Variants in GALNT17 observed in about 807,000 individuals in gnomAD.
GALNT17 encodes polypeptide N-acetylgalactosaminyltransferase 17, also known as UDP-GalNAc:polypeptide N-acetylgalactosaminyltransferase-like 3.
In GALNT17, 29 loss-of-function variants were observed where a neutral mutation model predicts 63.7. The observed-to-expected ratio is 0.46, with a 90% CI of 0.34 to 0.62. The LOEUF is 0.62. Among genes scored for constraint, GALNT17 ranks in the 20% least tolerant of loss-of-function variants. The pLI is 0.01. For synonymous variants in GALNT17, 305 were observed against 318.3 expected (o/e 0.96, Z 0.45); for missense variants, 603 against 799.6 (o/e 0.75, Z 2.97).
intron 1 of GALNT17, among the ~76,000 whole-genome samples, chr7:71,153,441 G>C (rs981119224): frequency 6.6e-6 from 1 of 152,180 alleles, no homozygotes; most frequent in South Asian, 2.1e-4. Flanking sequence ...ATCTAGACAA[G>C]ATAGGAAGGG....
Position 71,307,179 on chromosome 7 carries a change from G to A in GALNT17, c.239-28371G>A, listed in dbSNP as rs534990864. On this transcript the variant is annotated intron_variant, in intron 1 of 10. Coordinates refer to ENST00000333538, the MANE Select transcript of GALNT17 (RefSeq NM_022479.3). ...AGAAGTAAAATTCCTGGATCCTGTG[G>A]TAATTCTATGTTTAACTTTTTGCAG... Among the ~76,000 whole-genome samples, 146 of 152,192 alleles carry A rather than the reference G, an allele frequency of 9.6e-4. 1 individual carries two copies. Among genetic ancestry groups the A allele is most frequent in the African/African-American group, 3.4e-3 (142 of 41,526 alleles).
intron 1 of GALNT17, among the ~76,000 whole-genome samples, chr7:71,226,820 T>C (rs896149423): frequency 6.6e-6 from 1 of 152,044 alleles, no homozygotes; most frequent in East Asian, 1.9e-4. Flanking sequence ...CAGAGCCTTA[T>C]ACATGAATGG....
chr7:71,533,208 G>A lies in GALNT17; in HGVS notation c.963-38077G>A, dbSNP rs116494811. 4.2e-3 allele frequency among the ~76,000 whole-genome samples: 640 copies of A among 152,106 alleles called. 10 individuals are homozygous for A. Among genetic ancestry groups the A allele is most frequent in the African/African-American group, 0.015 (605 of 41,484 alleles). ...CTTGTGCATTTGTTAAACTATAAGG[G>A]AACAAAAATATGTTCATTTTCCCTG... On this transcript the variant is annotated intron_variant, in intron 5 of 10. Transcript: ENST00000333538.
At chr7:71,492,234 ACGC>A (rs1463864633) in intron 5 of GALNT17, among the ~76,000 whole-genome samples, 1 of 152,192 alleles carries the variant, frequency 6.6e-6, no homozygotes, top group Non-Finnish European at 1.5e-5. Flanking sequence ...AGCCGAGATC[ACGC>A]CACTGCCCTC....
At position 71,132,397 on chromosome 7, in the gene GALNT17, C is replaced by G. The variant is rs1787696652; in HGVS notation, c.-406C>G. The G allele has an allele frequency of 6.4e-6, 1 of 155,468 alleles. No homozygotes were observed. Among genetic ancestry groups the G allele is most frequent in the South Asian group, 2.0e-4 (1 of 4,896 alleles). 9.6% of individuals were successfully genotyped at this position (155,468 alleles called of 1,614,324 possible). A position where few individuals can be genotyped will look rare whatever the true frequency, so the allele number is the denominator to read the frequency against. On this transcript the variant is annotated 5_prime_UTR_variant, in exon 1 of 11. Transcript: ENST00000333538. ...CCCTGAGTCCGGCACCTGTGCGCCGCTCCCTCTGTGCCTCCCGGGCAGCCC... is the reference window on the plus strand; with the variant it reads ...CCCTGAGTCCGGCACCTGTGCGCCGGTCCCTCTGTGCCTCCCGGGCAGCCC...
At chr7:71,189,559 T>A (rs1788912399) in intron 1 of GALNT17, among the ~76,000 whole-genome samples, 1 of 152,054 alleles carries the variant, frequency 6.6e-6, no homozygotes. Context: ...AAGGCAGGAA[T>A]GATCTTGGCT....
rs550808162 is a variant in GALNT17, at chr7:71,541,485, G to A, written c.963-29800G>A. On this transcript the variant is annotated intron_variant, in intron 5 of 10. Coordinates refer to ENST00000333538, the MANE Select transcript of GALNT17 (RefSeq NM_022479.3). ...GGAGAATCGCTTGAACCCAGGAGGCGGAGGTTGCAGTGAGCCGAGATCTCG... is the reference window on the plus strand; with the variant it reads ...GGAGAATCGCTTGAACCCAGGAGGCAGAGGTTGCAGTGAGCCGAGATCTCG... 1.7e-3 allele frequency among the ~76,000 whole-genome samples: 261 copies of A among 151,954 alleles called. 1 individual carries two copies. Among genetic ancestry groups the A allele is most frequent in the African/African-American group, 6.0e-3 (249 of 41,456 alleles).
chr7:71,650,591 A>G (rs1007615759), intron 6 of GALNT17, among the ~76,000 whole-genome samples: 1 of 152,188 alleles, frequency 6.6e-6, no homozygotes, highest in Non-Finnish European at 1.5e-5. Flanking sequence ...AGATCACTGT[A>G]TGCAGTCTGA....
intron 2 of GALNT17, among the ~76,000 whole-genome samples, chr7:71,361,818 G>C (rs971115026): frequency 3.0e-4 from 45 of 152,286 alleles, no homozygotes; most frequent in African/African-American, 1.0e-3. Flanking sequence ...CAGAGAGAGA[G>C]AGAGAGTGGG....
chr7:71,221,430 C>G (rs997737593), intron 1 of GALNT17, among the ~76,000 whole-genome samples: 2 of 149,178 alleles, frequency 1.3e-5, no homozygotes, highest in African/African-American at 5.0e-5. Context: ...TTGTTCCTCA[C>G]CTCCCGGAGC....
chr7:71,691,900 C>T (rs1283822092), intron 9 of GALNT17, among the ~76,000 whole-genome samples: 1 of 150,932 alleles, frequency 6.6e-6, no homozygotes, highest in African/African-American at 2.4e-5. Flanking sequence ...TCCTTCCTTT[C>T]TCTCTTTCTC....
At chr7:71,258,488 C>A (rs906089156) in intron 1 of GALNT17, among the ~76,000 whole-genome samples, 4 of 152,218 alleles carry the variant, frequency 2.6e-5, no homozygotes, top group Non-Finnish European at 5.9e-5. Flanking sequence ...AAGCCCCACA[C>A]TGGACTCTGA....
chr7:71,477,844 A>ATTTC (rs1277394642), intron 5 of GALNT17, among the ~76,000 whole-genome samples: 2 of 152,206 alleles, frequency 1.3e-5, no homozygotes, highest in Non-Finnish European at 2.9e-5. Context: ...AGACCTTGTT[A>ATTTC]GAAAAACCTA....
chr7:71,634,524 C>G (rs1173695417), intron 6 of GALNT17, among the ~76,000 whole-genome samples: 1 of 152,062 alleles, frequency 6.6e-6, no homozygotes, highest in African/African-American at 2.4e-5. Flanking sequence ...GAGGCTGAGG[C>G]GGGCAGATCA....
At position 71,665,387 on chromosome 7, in the gene GALNT17, C is replaced by T. The variant is rs181502760; in HGVS notation, c.1081-24C>T. The T allele has an allele frequency of 1.7e-4, 264 of 1,578,050 alleles. No homozygotes were observed. The African/African-American group carries it at 3.2e-3, about 19-fold the overall frequency. ...AGCCTCTGGGAATTTCTTTTTCAGG[C>T]TGATGAAATCTTTGTACCCCTAGGT... On this transcript the variant is annotated intron_variant, in intron 6 of 10. Coordinates refer to ENST00000333538, the MANE Select transcript of GALNT17 (RefSeq NM_022479.3).
chr7:71,496,630 G>T (rs759429188), intron 5 of GALNT17, among the ~76,000 whole-genome samples: 3 of 152,134 alleles, frequency 2.0e-5, no homozygotes, highest in Non-Finnish European at 4.4e-5. Context: ...GAGGAGGAAG[G>T]CACTACAGAA....
intron 1 of GALNT17, among the ~76,000 whole-genome samples, chr7:71,317,442 G>A (rs981056822): frequency 2.0e-5 from 3 of 152,214 alleles, no homozygotes; most frequent in African/African-American, 7.2e-5. Context: ...CAAAGGCTGG[G>A]CGTGGTGGCT....
intron 3 of GALNT17, among the ~76,000 whole-genome samples, chr7:71,414,236 C>T (rs894243904): frequency 6.6e-6 from 1 of 151,936 alleles, no homozygotes; most frequent in African/African-American, 2.4e-5. Context: ...AGAGAAACTC[C>T]GTCTCAAAAC....
intron 1 of GALNT17, chr7:71,284,542 C>G (rs934191200): frequency 2.6e-5 from 4 of 152,132 alleles, no homozygotes; most frequent in Admixed American, 1.3e-4. Context: ...CTGCTTGGCA[C>G]TTCTCCTTAG....
Sources: allele counts gnomAD v4.1 joint callset (sites outside exome capture counted in the v4.1 genomes callset), GRCh38; gene constraint gnomAD v4.1.1; transcripts MANE v1.5; gene names NCBI Gene and HGNC (gene_info 2026-07-23, HGNC 2026-07-21).